The following SGCZ variants were observed in gnomAD, a reference collection of about 807,000 sequenced individuals.
The protein encoded by SGCZ is sarcoglycan zeta.
In SGCZ, 40 loss-of-function variants were observed where a neutral mutation model predicts 41.3. The ratio of observed to expected loss-of-function variants is 0.97; its 90% CI spans 0.75 to 1.26. The LOEUF (loss-of-function observed/expected upper bound fraction) is 1.26, where lower values mean the gene tolerates loss of function less well. SGCZ is among the 50% of genes most tolerant of loss of function. SGCZ has a pLI of 0.00. For missense variants in SGCZ, 552 were observed against 369.8 expected (o/e 1.49, Z -4.04); for synonymous variants, 206 against 137.5 (o/e 1.50, Z -3.49).
intron 1 of SGCZ, among the ~76,000 whole-genome samples, chr8:15,216,472 G>C (rs1205392551): frequency 6.6e-6 from 1 of 151,848 alleles, no homozygotes; most frequent in African/African-American, 2.4e-5. Context: ...TGCCCACCTG[G>C]GGCTCCCAAA....
chr8:14,603,084 C>T (rs944074570), intron 1 of SGCZ, among the ~76,000 whole-genome samples: 1 of 152,152 alleles, frequency 6.6e-6, no homozygotes, highest in Non-Finnish European at 1.5e-5. Context: ...ACGCCGGGGG[C>T]AACCCATTGT....
chr8:15,110,181 T>C (rs1305899284), intron 1 of SGCZ, among the ~76,000 whole-genome samples: 1 of 152,176 alleles, frequency 6.6e-6, no homozygotes, highest in Non-Finnish European at 1.5e-5. Context: ...CAGGAATGGA[T>C]TCCTGTTATT....
intron 1 of SGCZ, among the ~76,000 whole-genome samples, chr8:14,585,040 A>G (rs1029297807): frequency 3.3e-5 from 5 of 152,152 alleles, no homozygotes; most frequent in Admixed American, 6.5e-5. Flanking sequence ...TTCAACTTAC[A>G]GGATGAGGAT....
At chr8:14,468,488 T>C (rs1438594402) in intron 2 of SGCZ, among the ~76,000 whole-genome samples, 1 of 152,110 alleles carries the variant, frequency 6.6e-6, no homozygotes, top group African/African-American at 2.4e-5. Context: ...TATAGCTGTT[T>C]CATACATGTC....
chr8:14,376,581 T>C (rs1242116659), intron 2 of SGCZ, among the ~76,000 whole-genome samples: 2 of 152,082 alleles, frequency 1.3e-5, no homozygotes, highest in Non-Finnish European at 2.9e-5. Context: ...TCAAAGACTC[T>C]ACCCAACCTT....
intron 1 of SGCZ, among the ~76,000 whole-genome samples, chr8:14,615,624 G>T (rs1167326639): frequency 1.3e-5 from 2 of 152,152 alleles, no homozygotes; most frequent in African/African-American, 4.8e-5. Flanking sequence ...CACCCCGGAA[G>T]AACCCAGTAA....
At chr8:14,266,121 A>T (rs1327126097) in intron 3 of SGCZ, among the ~76,000 whole-genome samples, 1 of 152,142 alleles carries the variant, frequency 6.6e-6, no homozygotes, top group Non-Finnish European at 1.5e-5. Flanking sequence ...GAGGACATAA[A>T]GATCAAAGAT....
intron 1 of SGCZ, among the ~76,000 whole-genome samples, chr8:14,864,092 T>C (rs922076557): frequency 6.6e-6 from 1 of 152,170 alleles, no homozygotes; most frequent in Non-Finnish European, 1.5e-5. Flanking sequence ...TAAATTCCTA[T>C]TTCAACATAT....
intron 2 of SGCZ, among the ~76,000 whole-genome samples, chr8:14,339,872 A>G (rs1464384714): frequency 6.6e-6 from 1 of 152,184 alleles, no homozygotes; most frequent in Non-Finnish European, 1.5e-5. Context: ...TAATTACTAA[A>G]AAGAATAGAA....
intron 1 of SGCZ, among the ~76,000 whole-genome samples, chr8:14,827,296 A>AGG (rs1563297518): frequency 6.7e-6 from 1 of 148,150 alleles, no homozygotes; most frequent in African/African-American, 2.5e-5. Flanking sequence ...GAGGGCAGTG[A>AGG]CGCCATCTCA....
At chr8:15,107,547 C>A (rs913163735) in intron 1 of SGCZ, among the ~76,000 whole-genome samples, 3 of 152,186 alleles carry the variant, frequency 2.0e-5, no homozygotes, top group Non-Finnish European at 2.9e-5. Flanking sequence ...CTACTTTTTA[C>A]CATGACTAGA....
chr8:15,104,948 G>C (rs1026350), intron 1 of SGCZ, among the ~76,000 whole-genome samples: 27,858 of 152,100 alleles, frequency 0.18, 2,807 homozygotes, highest in East Asian at 0.37. Context: ...TGTTTGTGCT[G>C]AGATAGAGCC....
intron 1 of SGCZ, among the ~76,000 whole-genome samples, chr8:15,221,701 T>C (rs1462469045): frequency 6.6e-6 from 1 of 152,162 alleles, no homozygotes; most frequent in Admixed American, 6.5e-5. Context: ...GGAATAGTTG[T>C]CGACGACTCT....
At chr8:14,862,317 C>G (rs1304669494) in intron 1 of SGCZ, among the ~76,000 whole-genome samples, 1 of 151,668 alleles carries the variant, frequency 6.6e-6, no homozygotes, top group Non-Finnish European at 1.5e-5. Flanking sequence ...GTACTTTGAC[C>G]AGGAGTACAA....
At chr8:14,383,125 T>C (rs10096011) in intron 2 of SGCZ, among the ~76,000 whole-genome samples, 2,314 of 152,212 alleles carry the variant, frequency 0.015, 57 homozygotes, top group African/African-American at 0.051. Context: ...ATTCACCAAA[T>C]ACAAAGTCTG....
At chr8:15,133,952 A>G (rs1474748542) in intron 1 of SGCZ, among the ~76,000 whole-genome samples, 1 of 152,184 alleles carries the variant, frequency 6.6e-6, no homozygotes, top group Admixed American at 6.5e-5. Context: ...TCTGTTTTTA[A>G]TATTATCAAT....
intron 1 of SGCZ, among the ~76,000 whole-genome samples, chr8:14,852,549 C>G (rs1481416940): frequency 6.6e-6 from 1 of 152,124 alleles, no homozygotes; most frequent in South Asian, 2.1e-4. Flanking sequence ...GTAACAAACA[C>G]CCTACCAACA....
intron 1 of SGCZ, among the ~76,000 whole-genome samples, chr8:14,902,148 G>T (rs939780915): frequency 6.6e-6 from 1 of 152,060 alleles, no homozygotes; most frequent in Admixed American, 6.6e-5. Flanking sequence ...AGGGAAACAC[G>T]AACAAAAGCC....
intron 1 of SGCZ, among the ~76,000 whole-genome samples, chr8:15,078,037 G>C (rs942827002): frequency 6.6e-6 from 1 of 151,602 alleles, no homozygotes; most frequent in Admixed American, 6.6e-5. Flanking sequence ...GACTGGGATA[G>C]AGCCACCAGG....
Sources: gnomAD v4.1 joint callset for allele counts (sites outside exome capture counted in the v4.1 genomes callset) on GRCh38, gnomAD v4.1.1 for gene constraint, MANE v1.5 for transcripts, NCBI Gene and HGNC (gene_info 2026-07-23, HGNC 2026-07-21) for gene names.